The following UGT1A3 variants were observed in gnomAD, a reference collection of about 807,000 sequenced individuals.
The protein encoded by UGT1A3 is UDP glucuronosyltransferase family 1 member A3.
A neutral mutation model predicts 41.0 loss-of-function variants in UGT1A3; 31 were observed. That is an observed-to-expected ratio of 0.76 (90% CI 0.57 to 1.02). The LOEUF (loss-of-function observed/expected upper bound fraction) is 1.02, where lower values mean the gene tolerates loss of function less well. Among genes scored for constraint, UGT1A3 ranks in the 50% least tolerant of loss-of-function variants. The pLI is 0.00. For missense variants in UGT1A3, 737 were observed against 671.0 expected, an observed-to-expected ratio of 1.10 and a Z score of -1.09; for synonymous variants, 262 against 257.6, an observed-to-expected ratio of 1.02 and a Z score of -0.17.
intron 1 of UGT1A3, among the ~76,000 whole-genome samples, chr2:233,744,685 T>C (rs1692890031): frequency 6.6e-6 from 1 of 151,898 alleles, no homozygotes; most frequent in Non-Finnish European, 1.5e-5. Flanking sequence ...CCCATGTAGC[T>C]TCTGGAAAAC....
intron 1 of UGT1A3, among the ~76,000 whole-genome samples, chr2:233,762,296 G>A (rs1425632739): frequency 6.6e-6 from 1 of 152,206 alleles, no homozygotes; most frequent in Non-Finnish European, 1.5e-5. Context: ...GGTGCCAACC[G>A]AGGTCTAGTT....
At chr2:233,765,068 C>T (rs1698740394) in intron 1 of UGT1A3, among the ~76,000 whole-genome samples, 1 of 152,072 alleles carries the variant, frequency 6.6e-6, no homozygotes. Flanking sequence ...TCAGAGGTCT[C>T]CTGTGTCTCA....
At chr2:233,747,952 A>G in intron 1 of UGT1A3, 2 of 1,613,280 alleles carry the variant, frequency 1.2e-6, no homozygotes, top group Non-Finnish European at 1.7e-6. Flanking sequence ...TCAGTGGTGG[A>G]TCTTCTCAGC....
chr2:233,747,025 G>A (rs1332207172), intron 1 of UGT1A3, among the ~76,000 whole-genome samples: 1 of 151,910 alleles, frequency 6.6e-6, no homozygotes. Flanking sequence ...GGTCTTTCCC[G>A]AAGTGGGACC....
At chr2:233,756,397 G>GT (rs1005447677) in intron 1 of UGT1A3, 19 of 151,974 alleles carry the variant, frequency 1.3e-4, no homozygotes, top group Admixed American at 5.2e-4. Flanking sequence ...TACAGTATTG[G>GT]TTTTTTATTT....
In UGT1A3 at chr2:233,769,615, T is replaced by C. The variant is rs1284239952; in HGVS notation, c.1307+1176T>C. 10 of 1,612,642 alleles carry C rather than the reference T, an allele frequency of 6.2e-6. No homozygotes were observed. The highest frequency in any genetic ancestry group is 4.5e-5 in the East Asian group (2 of 44,898). On this transcript the variant is annotated intron_variant, in intron 4 of 4. Coordinates refer to ENST00000482026, the MANE Select transcript of UGT1A3 (RefSeq NM_019093.4). This position sits in a 1 kb window ranked among gnomAD's most constrained non-coding sequence, Gnocchi z 4.4. The stretch of plus-strand genomic sequence containing the variant: ...GACGGAACACGGGGACACACCAGCT[T>C]GAGCAAGGGACAACAGGGGAGGACT...
At chr2:233,744,830 C>T (rs1397752961) in intron 1 of UGT1A3, among the ~76,000 whole-genome samples, 2 of 151,900 alleles carry the variant, frequency 1.3e-5, no homozygotes, top group African/African-American at 4.9e-5. Context: ...CTTTGAGAAT[C>T]GCTAGTCTAG....
intron 1 of UGT1A3, chr2:233,754,837 T>G (rs1695606156): frequency 1.5e-6 from 2 of 1,344,356 alleles, no homozygotes; most frequent in South Asian, 2.3e-5. Flanking sequence ...GGAAATTCAC[T>G]GAAGGCAGAG....
At chr2:233,754,978 C>T (rs1695669392) in intron 1 of UGT1A3, 1 of 1,298,496 alleles carries the variant, frequency 7.7e-7, no homozygotes, top group South Asian at 1.2e-5. Flanking sequence ...CTGAAGACCT[C>T]GGCGGGGTCA....
chr2:233,729,497 A>G lies in UGT1A3; in HGVS notation c.371A>G (p.Tyr124Cys), dbSNP rs1450342762. Reference protein sequence around the residue: ...MAMLNNMSLVYHRSCVELLHN... With the variant: ...MAMLNNMSLVCHRSCVELLHN... ...ATGTTGAACAATATGTCTTTGGTCT[A>G]TCATAGGTCTTGTGTGGAGCTACTA... The change falls in exon 1 of 5, where the codon TAT (tyrosine) becomes TGT (cysteine). Residue 124 changes from tyrosine to cysteine, a missense_variant. Physicochemically the swap from Tyr to Cys is radical, Grantham distance 194 (BLOSUM62 -2). Coordinates refer to ENST00000482026, the MANE Select transcript of UGT1A3 (RefSeq NM_019093.4). 6.8e-6 allele frequency: 11 copies of G among 1,614,114 alleles called. No individual in the cohort carries two copies. Among genetic ancestry groups the G allele is most frequent in the Non-Finnish European group, 8.5e-6 (10 of 1,180,058 alleles).
chr2:233,749,977 G>A (rs2221198), intron 1 of UGT1A3, among the ~76,000 whole-genome samples: 68,794 of 151,608 alleles, frequency 0.45, 16,248 homozygotes, highest in South Asian at 0.58. Flanking sequence ...ATAGCAGTGT[G>A]AGAATGGACT....
intron 1 of UGT1A3, among the ~76,000 whole-genome samples, chr2:233,739,589 C>T (rs894733553): frequency 6.6e-6 from 1 of 152,224 alleles, no homozygotes; most frequent in African/African-American, 2.4e-5. Flanking sequence ...TGCATGGGGC[C>T]TATAGCCCCT....
At chr2:233,757,247 G>C (rs1244146616) in intron 1 of UGT1A3, among the ~76,000 whole-genome samples, 2 of 143,632 alleles carry the variant, frequency 1.4e-5, no homozygotes. Flanking sequence ...GGTGAGGTGG[G>C]GTTATTCAGG....
chr2:233,730,403 A>G (rs1043084681), intron 1 of UGT1A3, among the ~76,000 whole-genome samples: 1 of 152,216 alleles, frequency 6.6e-6, no homozygotes, highest in Non-Finnish European at 1.5e-5. Context: ...GTAAATTACA[A>G]TTGTTGACAT....
chr2:233,751,985 A>C (rs1248686220), intron 1 of UGT1A3, among the ~76,000 whole-genome samples: 1 of 152,196 alleles, frequency 6.6e-6, no homozygotes, highest in Non-Finnish European at 1.5e-5. Flanking sequence ...ATGAATCTGC[A>C]TTTATTGAGA....
At chr2:233,760,301 C>G (rs1697391714) in intron 1 of UGT1A3, 1 of 1,613,532 alleles carries the variant, frequency 6.2e-7, no homozygotes, top group South Asian at 1.1e-5. Flanking sequence ...GCTGTGGAGT[C>G]CCAGGGCGGA....
Position 233,747,153 on chromosome 2 carries a change from A to G in UGT1A3, c.867+17160A>G, listed in dbSNP as rs1559391866. The G allele has an allele frequency of 3.2e-6, 5 of 1,578,556 alleles. No individual in the cohort carries two copies. The East Asian group carries it at 9.0e-5, about 28-fold the overall frequency. On this transcript the variant is annotated intron_variant, in intron 1 of 4. Transcript: ENST00000482026. Reference sequence around the variant, plus strand: ...CAGTGACAAGGTAATTAAGATGAAGAAAACAAATGTAGGAGGCACAGCGTG... The same window carrying G: ...CAGTGACAAGGTAATTAAGATGAAGGAAACAAATGTAGGAGGCACAGCGTG...
At position 233,769,418 on chromosome 2, in the gene UGT1A3, C is replaced by T; in HGVS notation, c.1307+979C>T. The T allele has an allele frequency of 1.4e-6, 2 of 1,431,096 alleles. No individual in the cohort carries two copies. The highest frequency in any genetic ancestry group is 1.9e-6 in the Non-Finnish European group (2 of 1,028,754). The allele number at this position is 1,431,096 out of a possible 1,614,324, so 88.6% of individuals were successfully genotyped here. ...GTGCATATGTGCGTGTGCGTTTGTG[C>T]ATGTGGCTGTGCTCATGTGTGGGTG... On this transcript the variant is annotated intron_variant, in intron 4 of 4. Transcript: ENST00000482026. The surrounding 1 kb of genome is among the most constrained non-coding windows in gnomAD (Gnocchi z 4.4).
At chr2:233,737,493 C>T (rs2078886571) in intron 1 of UGT1A3, among the ~76,000 whole-genome samples, 1 of 152,188 alleles carries the variant, frequency 6.6e-6, no homozygotes, top group Admixed American at 6.5e-5. Flanking sequence ...AAGGGAAATC[C>T]CTCACCCTCT....
Sources: gnomAD v4.1 joint callset for allele counts (sites outside exome capture counted in the v4.1 genomes callset) on GRCh38, gnomAD v4.1.1 for gene constraint, Gnocchi (gnomAD v3.1) non-coding constraint, MANE v1.5 for transcripts, NCBI Gene and HGNC (gene_info 2026-07-23, HGNC 2026-07-21) for gene names.